OR51B5: variants seen among roughly 807,000 people sequenced by gnomAD.
OR51B5 encodes the protein olfactory receptor 51B5.
For synonymous variants in OR51B5, 186 were observed against 144.8 expected (o/e 1.28, Z -2.04); for missense variants, 456 against 374.6 (o/e 1.22, Z -1.79).
chr11:5,409,336 G>C (rs532100411), intron 1 of OR51B5, among the ~76,000 whole-genome samples: 1 of 152,216 alleles, frequency 6.6e-6, no homozygotes, highest in East Asian at 1.9e-4. Context: ...TGCCCAGACA[G>C]AGGGAAAAAG....
At chr11:5,423,203 G>A (rs767486290) in intron 1 of OR51B5, 2 of 1,479,790 alleles carry the variant, frequency 1.4e-6, no homozygotes, top group Non-Finnish European at 1.8e-6. Context: ...TAGGCTTAAG[G>A]GGGGAATATA....
At chr11:5,416,524 A>C (rs1479782413) in intron 1 of OR51B5, among the ~76,000 whole-genome samples, 5 of 151,630 alleles carry the variant, frequency 3.3e-5, no homozygotes, top group Admixed American at 2.0e-4. Flanking sequence ...ATATCTAGAA[A>C]ACCCCATTGT....
chr11:5,344,064 A>T (rs560372898), upstream of OR51B5, among the ~76,000 whole-genome samples: 8 of 152,334 alleles, frequency 5.3e-5, no homozygotes, highest in East Asian at 1.5e-3. Context: ...TGCCACTACC[A>T]CTGTAGCTAA....
chr11:5,454,189 G>A (rs764920405), intron 1 of OR51B5: 6 of 1,604,264 alleles, frequency 3.7e-6, no homozygotes, highest in Admixed American at 1.7e-5. Flanking sequence ...CGTGAGGAAC[G>A]CCTCAAAGCT....
At chr11:5,363,773 A>G (rs977756153) in intron 1 of OR51B5, among the ~76,000 whole-genome samples, 3 of 152,210 alleles carry the variant, frequency 2.0e-5, no homozygotes, top group Non-Finnish European at 2.9e-5. Context: ...TGAGGATTCT[A>G]TTAAAAACTA....
intron 1 of OR51B5, among the ~76,000 whole-genome samples, chr11:5,476,607 C>T (rs1403965760): frequency 6.6e-6 from 1 of 152,058 alleles, no homozygotes; most frequent in African/African-American, 2.4e-5. Context: ...CTGAACAAGC[C>T]GATAAGAGGA....
intron 1 of OR51B5, chr11:5,389,980 G>A (rs1849768331): frequency 6.2e-7 from 1 of 1,612,378 alleles, no homozygotes; most frequent in Non-Finnish European, 8.5e-7. Context: ...GCCTGCACCA[G>A]GAAGTGATAC....
At chr11:5,406,248 A>T (rs932625778) in intron 1 of OR51B5, among the ~76,000 whole-genome samples, 1 of 152,186 alleles carries the variant, frequency 6.6e-6, no homozygotes, top group African/African-American at 2.4e-5. Flanking sequence ...ACTTCTCCTT[A>T]GATGTTTCTC....
chr11:5,377,994 C>T (rs1849553553), intron 1 of OR51B5, among the ~76,000 whole-genome samples: 2 of 151,538 alleles, frequency 1.3e-5, no homozygotes, highest in Admixed American at 1.3e-4. Context: ...AAAGAGCCTG[C>T]ATTGCCAAGT....
At chr11:5,345,656 A>C (rs541724254), upstream of OR51B5, 96 of 152,192 alleles carry the variant, frequency 6.3e-4, no homozygotes, top group African/African-American at 2.1e-3. Context: ...CAACTTCTTG[A>C]AGTTGTTTTT....
chr11:5,490,696 A>G (rs1276127570), intron 1 of OR51B5, among the ~76,000 whole-genome samples: 1 of 152,214 alleles, frequency 6.6e-6, no homozygotes, highest in Non-Finnish European at 1.5e-5. Flanking sequence ...TATGGCATTT[A>G]TTGACAATAT....
At position 5,421,763 on chromosome 11, in the gene OR51B5, A is replaced by G. The variant is rs140571683; in HGVS notation, n.85-74853T>C. 2.2e-3 allele frequency among the ~76,000 whole-genome samples: 333 copies of G among 152,352 alleles called. 7 individuals carry two copies. Among genetic ancestry groups the G allele is most frequent in the Middle Eastern group, 0.014 (4 of 294 alleles). On this transcript the variant is annotated intron_variant and non_coding_transcript_variant, in intron 1 of 4. Transcript: ENST00000415970. ...TGCTGCTACAAAAGTCAAAGGAGAT[A>G]TTTGGAAAAAGACACTGGATTTATA...
Position 5,503,586 on chromosome 11 carries a change from T to C in OR51B5, n.84+1983A>G, listed in dbSNP as rs752342137. Among the ~76,000 whole-genome samples, 96 of 152,252 alleles carry C rather than the reference T, an allele frequency of 6.3e-4. 1 individual carries two copies. The highest frequency in any genetic ancestry group is 6.8e-3 in the Middle Eastern group (2 of 294). ...CTGCTATAAAGTGTACTTGGAAAAA[T>C]AGACAAAATTAGCCAATGGTATCTT... On this transcript the variant is annotated intron_variant and non_coding_transcript_variant, in intron 1 of 4. Transcript: ENST00000415970.
rs76105410 is a variant in OR51B5, at chr11:5,500,878, C to T, written n.84+4691G>A. On this transcript the variant is annotated intron_variant and non_coding_transcript_variant, in intron 1 of 4. Coordinates refer to the OR51B5 transcript ENST00000415970. ...AGCATGCATATCCCAGGTTATAGTC[C>T]TGTTTATTCCTGAACAAAGTAATTT... is the stretch of plus-strand genomic sequence containing the variant. Among the ~76,000 whole-genome samples, 333 of 148,236 alleles carry T rather than the reference C, an allele frequency of 2.2e-3. 44 individuals are homozygous for T. Among genetic ancestry groups the T allele is most frequent in the Non-Finnish European group, 3.9e-3 (261 of 66,156 alleles).
intron 1 of OR51B5, among the ~76,000 whole-genome samples, chr11:5,460,457 TA>T (rs1851033231): frequency 9.0e-6 from 1 of 111,646 alleles, no homozygotes; most frequent in African/African-American, 3.5e-5. Context: ...GGTTTGTTCT[TA>T]AAATGGCTGT....
At chr11:5,501,159 T>G (rs1450177051) in intron 1 of OR51B5, among the ~76,000 whole-genome samples, 1 of 147,732 alleles carries the variant, frequency 6.8e-6, no homozygotes, top group African/African-American at 2.4e-5. Flanking sequence ...CACCAGGACT[T>G]AACCTGCAGC....
chr11:5,456,365 C>T (rs1005461361), intron 1 of OR51B5: 1 of 152,032 alleles, frequency 6.6e-6, no homozygotes, highest in Non-Finnish European at 1.5e-5. Flanking sequence ...TTTTCCCTCC[C>T]TCATGAGACA....
intron 1 of OR51B5, among the ~76,000 whole-genome samples, chr11:5,442,752 T>C (rs1402331058): frequency 6.6e-6 from 1 of 152,196 alleles, no homozygotes; most frequent in African/African-American, 2.4e-5. Flanking sequence ...GCTCAATTCA[T>C]TATATCGTGG....
At chr11:5,386,034 G>A (rs188809501) in intron 1 of OR51B5, among the ~76,000 whole-genome samples, 31 of 151,748 alleles carry the variant, frequency 2.0e-4, no homozygotes, top group Admixed American at 7.2e-4. Flanking sequence ...CAGGTACTAC[G>A]TGAGAACAGA....
Sources: gnomAD v4.1 joint callset for allele counts (sites outside exome capture counted in the v4.1 genomes callset) on GRCh38, gnomAD v4.1.1 for gene constraint, MANE v1.5 for transcripts, NCBI Gene and HGNC (gene_info 2026-07-23, HGNC 2026-07-21) for gene names.